Variants in RIN2 observed in about 807,000 individuals in gnomAD.
RIN2 encodes RAB5 interacting protein 2.
Under a neutral mutation model 78.0 loss-of-function variants are expected in RIN2, and 36 were observed. That is an observed-to-expected ratio of 0.46 (90% CI 0.35 to 0.61). The LOEUF is 0.61. Ranked by LOEUF, RIN2 falls within the 20% of genes least tolerant of loss-of-function variation. RIN2 has a pLI of 0.00. For missense variants in RIN2, 1,087 were observed against 1,159.7 expected (o/e 0.94, Z 0.91); for synonymous variants, 466 against 466.8 (o/e 1.00, Z 0.02).
At chr20:19,808,177 A>C (rs1390783438) in intron 2 of RIN2, among the ~76,000 whole-genome samples, 1 of 152,244 alleles carries the variant, frequency 6.6e-6, no homozygotes, top group East Asian at 1.9e-4. Flanking sequence ...GAATGAAATC[A>C]TATGCCTTAT....
At chr20:19,986,514 A>G (rs1393584122) in intron 9 of RIN2, among the ~76,000 whole-genome samples, 2 of 152,216 alleles carry the variant, frequency 1.3e-5, no homozygotes, top group East Asian at 3.8e-4. Flanking sequence ...CCCTCCTAAG[A>G]GATTTCCACA....
intron 1 of RIN2, among the ~76,000 whole-genome samples, chr20:19,762,760 A>T (rs6081740): frequency 0.37 from 55,666 of 151,786 alleles, 11,380 homozygotes; most frequent in Non-Finnish European, 0.44. Context: ...GATTTATTTT[A>T]TTTATTTATT....
chr20:19,953,449 T>C (rs2146219557), intron 4 of RIN2, among the ~76,000 whole-genome samples: 2 of 151,152 alleles, frequency 1.3e-5, no homozygotes, highest in South Asian at 4.2e-4. Flanking sequence ...TTTCTTTTCT[T>C]TTCTTTTTGA....
intron 3 of RIN2, among the ~76,000 whole-genome samples, chr20:19,902,052 C>G (rs953628211): frequency 2.0e-5 from 3 of 147,714 alleles, no homozygotes; most frequent in Non-Finnish European, 3.0e-5. Flanking sequence ...ATTGAGCAAA[C>G]ACACTGTTCC....
At chr20:19,968,051 C>A (rs1192246586) in intron 7 of RIN2, among the ~76,000 whole-genome samples, 1 of 152,176 alleles carries the variant, frequency 6.6e-6, no homozygotes, top group African/African-American at 2.4e-5. Flanking sequence ...TATTCAGCTG[C>A]TGAGACCTTA....
At chr20:19,821,412 C>T (rs2035922199) in intron 2 of RIN2, among the ~76,000 whole-genome samples, 1 of 152,088 alleles carries the variant, frequency 6.6e-6, no homozygotes, top group South Asian at 2.1e-4. Flanking sequence ...TACAATCATT[C>T]CCCTACCTGC....
chr20:19,965,267 T>G (rs913369106), intron 7 of RIN2, among the ~76,000 whole-genome samples: 19 of 152,184 alleles, frequency 1.2e-4, no homozygotes, highest in African/African-American at 3.9e-4. Context: ...ATATGATTAT[T>G]TCTTCAAGCT....
At chr20:19,841,605 C>A (rs2036578417) in intron 2 of RIN2, among the ~76,000 whole-genome samples, 1 of 152,092 alleles carries the variant, frequency 6.6e-6, no homozygotes, top group Admixed American at 6.5e-5. Context: ...AACACTGAAA[C>A]CTGTGAGAGC....
intron 1 of RIN2, among the ~76,000 whole-genome samples, chr20:19,759,416 A>T (rs2033536702): frequency 3.3e-5 from 5 of 152,170 alleles, no homozygotes; most frequent in African/African-American, 1.2e-4. Flanking sequence ...GGGAGTGCAA[A>T]GGGCTTACTG....
chr20:19,917,793 C>A (rs768546064), intron 3 of RIN2, among the ~76,000 whole-genome samples: 12 of 152,144 alleles, frequency 7.9e-5, no homozygotes, highest in Non-Finnish European at 1.3e-4. Flanking sequence ...CTTTTAAAGG[C>A]GGAATAGCAT....
intron 8 of RIN2, 66 bp downstream of exon 8, chr20:19,970,995 C>A: frequency 8.4e-7 from 1 of 1,186,938 alleles, no homozygotes; most frequent in Non-Finnish European, 1.2e-6. Context: ...CAATGGTGGG[C>A]TCACTGAGGC....
At chr20:19,766,595 C>T (rs1050806709) in intron 1 of RIN2, among the ~76,000 whole-genome samples, 4 of 152,036 alleles carry the variant, frequency 2.6e-5, no homozygotes, top group African/African-American at 7.2e-5. Context: ...ACTAATAACA[C>T]GTGGGTTCCA....
At chr20:19,886,453 A>G in intron 2 of RIN2, 1 of 481,648 alleles carries the variant, frequency 2.1e-6, no homozygotes, top group African/African-American at 2.0e-5. Flanking sequence ...TCTCTAGGAG[A>G]ATGAGGAATA....
chr20:19,907,610 CAGGA>C (rs1230504474), intron 3 of RIN2, among the ~76,000 whole-genome samples: 2 of 152,198 alleles, frequency 1.3e-5, no homozygotes. Context: ...ACACTGAGCT[CAGGA>C]AGGAAGAGGG....
At chr20:19,792,409 AC>A (rs2034917090) in intron 1 of RIN2, among the ~76,000 whole-genome samples, 1 of 152,172 alleles carries the variant, frequency 6.6e-6, no homozygotes, top group African/African-American at 2.4e-5. Flanking sequence ...AGCAGAATCC[AC>A]CCGGGTCATC....
intron 9 of RIN2, among the ~76,000 whole-genome samples, chr20:19,980,067 C>A (rs1280481032): frequency 4.1e-4 from 34 of 82,810 alleles, no homozygotes; most frequent in South Asian, 8.5e-4. Flanking sequence ...AAAAAAAAAA[C>A]TCTTCTGAGA....
chr20:19,885,703 G>A (rs1444545521), intron 2 of RIN2, among the ~76,000 whole-genome samples: 1 of 150,726 alleles, frequency 6.6e-6, no homozygotes, highest in Non-Finnish European at 1.5e-5. Flanking sequence ...AAAAAAAAAC[G>A]AAAAGAAAAG....
chr20:19,842,510 G>A (rs561744745), intron 2 of RIN2, among the ~76,000 whole-genome samples: 1 of 150,698 alleles, frequency 6.6e-6, no homozygotes, highest in African/African-American at 2.4e-5. Flanking sequence ...CCAAAGTGCT[G>A]GGATTACAGG....
chr20:19,798,398 C>G (rs1054430975), intron 1 of RIN2, among the ~76,000 whole-genome samples: 1 of 151,784 alleles, frequency 6.6e-6, no homozygotes, highest in Non-Finnish European at 1.5e-5. Context: ...GTGTGTGCAT[C>G]TGTGTGCGAG....
Sources: gnomAD v4.1 joint callset for allele counts (sites outside exome capture counted in the v4.1 genomes callset) on GRCh38, gnomAD v4.1.1 for gene constraint, MANE v1.5 for transcripts, NCBI Gene and HGNC (gene_info 2026-07-23, HGNC 2026-07-21) for gene names.